CACNA1C: variants seen among roughly 807,000 people sequenced by gnomAD.
CACNA1C encodes voltage-dependent L-type calcium channel subunit alpha-1C.
Under a neutral mutation model 229.0 loss-of-function variants are expected in CACNA1C, and 30 were observed. That is an observed-to-expected ratio of 0.13 (90% CI 0.10 to 0.18). The LOEUF is 0.18. Among genes scored for constraint, CACNA1C ranks in the 10% least tolerant of loss-of-function variants. The pLI is 1.00. For missense variants in CACNA1C, 1,658 were observed against 2,845.0 expected, an observed-to-expected ratio of 0.58 and a Z score of 9.49; for synonymous variants, 1,114 against 1,132.5, an observed-to-expected ratio of 0.98 and a Z score of 0.33.
chr12:2,071,014 CCT>C (rs2061016685), intron 1 of CACNA1C, among the ~76,000 whole-genome samples: 1 of 122,610 alleles, frequency 8.2e-6, no homozygotes, highest in Non-Finnish European at 1.7e-5. Flanking sequence ...TTCTCTTTCT[CCT>C]TCCTTCCTTC....
chr12:2,688,134 G>A (rs2097611597), intron 45 of CACNA1C, among the ~76,000 whole-genome samples: 1 of 152,226 alleles, frequency 6.6e-6, no homozygotes, highest in Non-Finnish European at 1.5e-5. Context: ...AAGAGCGAGA[G>A]AATGCACAGC....
intron 3 of CACNA1C, among the ~76,000 whole-genome samples, chr12:2,278,064 C>T (rs1420474120): frequency 2.0e-5 from 3 of 152,242 alleles, no homozygotes; most frequent in Non-Finnish European, 2.9e-5. Context: ...TCATGATCTG[C>T]ACTGGGGACA....
At chr12:2,002,426 T>C (rs1565889175) in intron 1 of CACNA1C, among the ~76,000 whole-genome samples, 1 of 152,192 alleles carries the variant, frequency 6.6e-6, no homozygotes, top group Non-Finnish European at 1.5e-5. Context: ...AATGACCTTT[T>C]CCTGAATGAA....
Position 2,605,151 on chromosome 12 carries a change from A to C in CACNA1C, c.3031A>C (p.Arg1011=). The change falls in exon 23 of 47, where the codon AGG becomes CGG. Residue 1011 remains arginine, a synonymous_variant. Transcript: ENST00000399655. The surrounding 1 kb of genome is among the most constrained non-coding windows in gnomAD (Gnocchi z 6.2). ...ACTCAGGCCCCTGAGGGCCATCAAC[A>C]GGGCCAAGGGGCTAAAGGTGAGTTG... The part of the protein sequence containing the change: ...RVLRPLRAIN[R]AKGLKHVVQC... 1 of 1,612,252 alleles carries C rather than the reference A, an allele frequency of 6.2e-7. No individual in the cohort carries two copies. The highest frequency in any genetic ancestry group is 1.1e-5 in the South Asian group (1 of 91,052).
intron 3 of CACNA1C, among the ~76,000 whole-genome samples, chr12:2,237,510 C>T (rs1301552174): frequency 1.3e-5 from 2 of 152,196 alleles, no homozygotes; most frequent in Admixed American, 6.5e-5. Context: ...GTAGCCTGGC[C>T]ACGTGATGTC....
intron 1 of CACNA1C, among the ~76,000 whole-genome samples, chr12:1,983,294 A>C (rs1230392951): frequency 6.6e-6 from 1 of 151,556 alleles, no homozygotes; most frequent in Non-Finnish European, 1.5e-5. Flanking sequence ...TTTGGATTTA[A>C]TATACTCTTC....
chr12:2,535,182 G>T (rs1444879484), intron 9 of CACNA1C, among the ~76,000 whole-genome samples: 1 of 152,074 alleles, frequency 6.6e-6, no homozygotes, highest in East Asian at 1.9e-4. Context: ...GAGGTCAGGA[G>T]ATTGAGACCA....
chr12:2,026,755 A>G (rs2047398891), intron 1 of CACNA1C, among the ~76,000 whole-genome samples: 1 of 152,184 alleles, frequency 6.6e-6, no homozygotes, highest in African/African-American at 2.4e-5. Flanking sequence ...TAAAAAATGG[A>G]TTGTAAAGAT....
chr12:2,478,187 T>G (rs2099640751), intron 5 of CACNA1C, among the ~76,000 whole-genome samples: 1 of 152,128 alleles, frequency 6.6e-6, no homozygotes, highest in African/African-American at 2.4e-5. Context: ...TTTTCCTAGG[T>G]GAAGATAGTC....
At chr12:2,214,212 A>C (rs1023561696) in intron 3 of CACNA1C, among the ~76,000 whole-genome samples, 3 of 152,182 alleles carry the variant, frequency 2.0e-5, no homozygotes, top group African/African-American at 7.2e-5. Context: ...CGCATATCTG[A>C]AATTGGATGG....
At chr12:1,995,214 G>GT (rs2040506447) in intron 1 of CACNA1C, among the ~76,000 whole-genome samples, 1 of 147,422 alleles carries the variant, frequency 6.8e-6, no homozygotes, top group African/African-American at 2.5e-5. Context: ...CTCTTCCATA[G>GT]TTAAAAAAAA....
chr12:2,351,516 A>G (rs2097201630), intron 3 of CACNA1C, among the ~76,000 whole-genome samples: 1 of 152,168 alleles, frequency 6.6e-6, no homozygotes, highest in Non-Finnish European at 1.5e-5. Context: ...TGGGTGGCAT[A>G]GGGCCTGCCC....
At chr12:2,578,948 C>T (rs1241404292) in intron 13 of CACNA1C, among the ~76,000 whole-genome samples, 1 of 152,122 alleles carries the variant, frequency 6.6e-6, no homozygotes, top group Non-Finnish European at 1.5e-5. Flanking sequence ...GGAGTGTTCT[C>T]CCCTCTTAGA....
At chr12:2,310,965 C>T (rs565103088) in intron 3 of CACNA1C, among the ~76,000 whole-genome samples, 3 of 152,302 alleles carry the variant, frequency 2.0e-5, no homozygotes, top group South Asian at 2.1e-4. Flanking sequence ...GCATAAAGTG[C>T]CTTCTAGAGT....
intron 18 of CACNA1C, among the ~76,000 whole-genome samples, chr12:2,587,215 A>G (rs2062892124): frequency 6.6e-6 from 1 of 152,258 alleles, no homozygotes; most frequent in Non-Finnish European, 1.5e-5. Context: ...CAACAAAAAA[A>G]AAATGGGGAC....
intron 3 of CACNA1C, among the ~76,000 whole-genome samples, chr12:2,321,507 G>A (rs2095997452): frequency 6.6e-6 from 1 of 152,178 alleles, no homozygotes; most frequent in Non-Finnish European, 1.5e-5. Context: ...AGCACCTACA[G>A]TGTGTCAGGA....
intron 9 of CACNA1C, among the ~76,000 whole-genome samples, chr12:2,518,727 A>G (rs1031688148): frequency 1.3e-5 from 2 of 152,116 alleles, no homozygotes; most frequent in African/African-American, 2.4e-5. Context: ...TCTGGCTCAG[A>G]TTACATGAGA....
At chr12:2,272,078 C>T (rs1196650571) in intron 3 of CACNA1C, among the ~76,000 whole-genome samples, 5 of 152,172 alleles carry the variant, frequency 3.3e-5, no homozygotes, top group Non-Finnish European at 1.5e-5. Flanking sequence ...CAGTGTTCCC[C>T]AAGCATCTCT....
In CACNA1C at chr12:2,633,083, A is replaced by G. The variant is rs900612959; in HGVS notation, c.3829-1214A>G. Among the ~76,000 whole-genome samples the G allele has an allele frequency of 6.6e-6, 1 of 152,196 alleles. No individual in the cohort carries two copies. The highest frequency in any genetic ancestry group is 6.5e-5 in the Admixed American group (1 of 15,286). ...CTTTATATGAGTCACCAGTGAGCCC[A>G]GATAACCTGCCACCCTGCGGCCCAC... is the stretch of plus-strand genomic sequence containing the variant. On this transcript the variant is annotated intron_variant, in intron 29 of 46. Transcript: ENST00000399655. The surrounding 1 kb of genome is among the most constrained non-coding windows in gnomAD (Gnocchi z 5.8).
Sources: allele counts gnomAD v4.1 joint callset (sites outside exome capture counted in the v4.1 genomes callset), GRCh38; gene constraint gnomAD v4.1.1; non-coding constraint Gnocchi (gnomAD v3.1); transcripts MANE v1.5; gene names NCBI Gene and HGNC (gene_info 2026-07-23, HGNC 2026-07-21).